Variants in RSRC1 observed in about 807,000 individuals in gnomAD.
The protein encoded by RSRC1 is arginine and serine rich coiled-coil 1, also known as serine/Arginine-related protein 53.
RSRC1 carries 39 observed loss-of-function variants against 49.1 expected under a neutral mutation model. The ratio of observed to expected loss-of-function variants is 0.79; its 90% CI spans 0.61 to 1.04. RSRC1 has a LOEUF of 1.04. Ranked by LOEUF, RSRC1 falls within the 50% of genes least tolerant of loss-of-function variation. The probability of loss-of-function intolerance (pLI) is 0.00; values close to 1 mark genes in which losing one functional copy is unlikely to be tolerated. For missense variants in RSRC1, 388 were observed against 402.4 expected, an observed-to-expected ratio of 0.96 and a Z score of 0.31; for synonymous variants, 143 against 130.8, an observed-to-expected ratio of 1.09 and a Z score of -0.63.
In RSRC1 at chr3:158,414,284, G is replaced by T. The variant is rs201583210; in HGVS notation, c.584-46651G>T. On this transcript the variant is annotated intron_variant, in intron 6 of 9. Transcript: ENST00000611884. ...ATGGAGCTGGAAGCCATTATCCTCA[G>T]CAGACTAACACAGGAACAGAAAACC... Among the ~76,000 whole-genome samples, 5 of 152,228 alleles carry T rather than the reference G, an allele frequency of 3.3e-5. No individual in the cohort carries two copies. The East Asian group carries it at 9.7e-4, about 30-fold the overall frequency.
chr3:158,408,273 G>A (rs1734258920), intron 6 of RSRC1, among the ~76,000 whole-genome samples: 3 of 152,182 alleles, frequency 2.0e-5, no homozygotes, highest in Non-Finnish European at 4.4e-5. Context: ...TTAGTCACCA[G>A]AGACATATGG....
chr3:158,395,421 C>T lies in RSRC1; in HGVS notation c.583+40513C>T, dbSNP rs1351039450. Among the ~76,000 whole-genome samples the T allele has an allele frequency of 2.0e-5, 3 of 152,068 alleles. No homozygotes were observed. In the East Asian group the frequency reaches 5.8e-4, roughly 29 times the overall value. On this transcript the variant is annotated intron_variant, in intron 6 of 9. Coordinates refer to ENST00000611884, the MANE Select transcript of RSRC1 (RefSeq NM_001271838.2). ...CCTACAGAATGCTAGAAAATATTTG[C>T]AAACTACGCATCTGACAAAGGTCAA...
At chr3:158,409,854 T>A (rs951104838) in intron 6 of RSRC1, among the ~76,000 whole-genome samples, 4 of 152,074 alleles carry the variant, frequency 2.6e-5, no homozygotes, top group African/African-American at 4.8e-5. Flanking sequence ...GTAAATCGGA[T>A]CCTATTAATC....
chr3:158,460,022 G>T (rs575474084), intron 6 of RSRC1, among the ~76,000 whole-genome samples: 58 of 151,758 alleles, frequency 3.8e-4, no homozygotes, highest in Non-Finnish European at 6.9e-4. Flanking sequence ...AGAGTAAGAA[G>T]GTTTATTTTT....
At chr3:158,207,764 G>A (rs935729010) in intron 4 of RSRC1, among the ~76,000 whole-genome samples, 2 of 152,028 alleles carry the variant, frequency 1.3e-5, no homozygotes, top group African/African-American at 4.8e-5. Context: ...GGTAAAGGTT[G>A]TTTATAAATT....
rs1735268708 is a variant in RSRC1 at position 158,424,263 on chromosome 3, A to C, written c.584-36672A>C. ...TTTGAGATACGTCCCATCAATACCT[A>C]ATTTATTGAGAGTTTTTAGCATGAA... is the stretch of plus-strand genomic sequence containing the variant. On this transcript the variant is annotated intron_variant, in intron 6 of 9. Transcript: ENST00000611884. Among the ~76,000 whole-genome samples, 3 of 151,950 alleles carry C rather than the reference A, an allele frequency of 2.0e-5. No individual in the cohort carries two copies. The South Asian group carries it at 6.2e-4, about 32-fold the overall frequency.
intron 1 of RSRC1, 149 bp from the exon 2 acceptor site, chr3:158,121,954 A>G (rs1210023517): frequency 6.9e-6 from 3 of 431,776 alleles, no homozygotes; most frequent in Middle Eastern, 6.5e-4. Context: ...GCAGTGAGCA[A>G]TGATTGTACC....
At chr3:158,476,910 T>C (rs769081939) in intron 7 of RSRC1, among the ~76,000 whole-genome samples, 4 of 152,098 alleles carry the variant, frequency 2.6e-5, no homozygotes, top group Non-Finnish European at 5.9e-5. Flanking sequence ...ATTAAGAACA[T>C]TTGTGATTTA....
intron 6 of RSRC1, among the ~76,000 whole-genome samples, chr3:158,363,950 T>C (rs1466604041): frequency 1.3e-5 from 2 of 152,228 alleles, no homozygotes; most frequent in Non-Finnish European, 2.9e-5. Context: ...AGATCAGTTA[T>C]ACATACTGTA....
rs1425211031 is a variant in RSRC1 at position 158,457,860 on chromosome 3, A to G, written c.584-3075A>G. Among the ~76,000 whole-genome samples, 4 of 151,956 alleles carry G rather than the reference A, an allele frequency of 2.6e-5. No individual in the cohort carries two copies. The South Asian group carries it at 6.2e-4, about 24-fold the overall frequency. On this transcript the variant is annotated intron_variant, in intron 6 of 9. Coordinates refer to ENST00000611884, the MANE Select transcript of RSRC1 (RefSeq NM_001271838.2). ...GCTATGGGGGCAAAAGCTGGTGGGA[A>G]CAAGAAAAGGCAGTAGCTTGGTTAA...
intron 7 of RSRC1, among the ~76,000 whole-genome samples, chr3:158,527,156 T>C (rs1230139320): frequency 1.4e-5 from 2 of 147,940 alleles, no homozygotes; most frequent in African/African-American, 2.5e-5. Flanking sequence ...CCCAGCCCCA[T>C]GGTGTTAGGG....
At chr3:158,257,387 T>C (rs12497109) in intron 4 of RSRC1, among the ~76,000 whole-genome samples, 6 of 152,160 alleles carry the variant, frequency 3.9e-5, no homozygotes, top group Admixed American at 3.9e-4. Context: ...ACCTCTTCAT[T>C]ATATAATGAC....
chr3:158,451,481 C>CTT (rs968136865), intron 6 of RSRC1, among the ~76,000 whole-genome samples: 1 of 151,978 alleles, frequency 6.6e-6, no homozygotes, highest in African/African-American at 2.4e-5. Context: ...TATTATTGCT[C>CTT]TTTTCTTTCC....
At chr3:158,381,476 A>C (rs1732692985) in intron 6 of RSRC1, among the ~76,000 whole-genome samples, 1 of 152,168 alleles carries the variant, frequency 6.6e-6, no homozygotes, top group African/African-American at 2.4e-5. Flanking sequence ...CCACAAGGCC[A>C]TTTATCATTG....
At chr3:158,454,647 T>C (rs1399108724) in intron 6 of RSRC1, among the ~76,000 whole-genome samples, 3 of 152,176 alleles carry the variant, frequency 2.0e-5, no homozygotes, top group Non-Finnish European at 4.4e-5. Flanking sequence ...CAAAAACTTC[T>C]GTTTACCTTA....
intron 4 of RSRC1, among the ~76,000 whole-genome samples, chr3:158,266,120 T>C (rs1725160266): frequency 6.6e-6 from 1 of 152,168 alleles, no homozygotes; most frequent in Non-Finnish European, 1.5e-5. Context: ...AAGCAGTTGA[T>C]TTTTAAAGGT....
intron 6 of RSRC1, among the ~76,000 whole-genome samples, chr3:158,416,562 C>A (rs1384832294): frequency 3.3e-5 from 5 of 152,026 alleles, no homozygotes; most frequent in Admixed American, 3.3e-4. Context: ...AACCATCAGG[C>A]ACATCAATGA....
At chr3:158,387,264 A>C (rs1733015208) in intron 6 of RSRC1, among the ~76,000 whole-genome samples, 1 of 152,122 alleles carries the variant, frequency 6.6e-6, no homozygotes, top group Non-Finnish European at 1.5e-5. Flanking sequence ...TTCTGGTCAG[A>C]GAAGTTTCCT....
At chr3:158,257,339 A>T (rs1187826417) in intron 4 of RSRC1, among the ~76,000 whole-genome samples, 1 of 151,608 alleles carries the variant, frequency 6.6e-6, no homozygotes, top group Non-Finnish European at 1.5e-5. Context: ...TTACTGGTAT[A>T]TGTTTATTTA....
Sources: allele counts gnomAD v4.1 joint callset (sites outside exome capture counted in the v4.1 genomes callset), GRCh38; gene constraint gnomAD v4.1.1; transcripts MANE v1.5; gene names NCBI Gene and HGNC (gene_info 2026-07-23, HGNC 2026-07-21).